Variants in ANKRD11 observed in about 807,000 individuals in gnomAD.
ANKRD11 encodes the protein ankyrin repeat domain-containing protein 11.
Under a neutral mutation model 195.7 loss-of-function variants are expected in ANKRD11, and 17 were observed. The ratio of observed to expected loss-of-function variants is 0.09; its 90% CI spans 0.06 to 0.13. ANKRD11 has a LOEUF of 0.13. ANKRD11 is among the 10% of genes least tolerant of loss of function. The pLI, the probability that ANKRD11 is intolerant of heterozygous loss-of-function variation, is 1.00. For missense variants in ANKRD11, 3,735 were observed against 3,566.1 expected, an observed-to-expected ratio of 1.05 and a Z score of -1.21; for synonymous variants, 1,953 against 1,528.1, an observed-to-expected ratio of 1.28 and a Z score of -6.49.
chr16:89,467,653 T>C (rs1344026530), intron 1 of ANKRD11, among the ~76,000 whole-genome samples: 3 of 152,068 alleles, frequency 2.0e-5, no homozygotes, highest in Non-Finnish European at 4.4e-5. Context: ...GCGTTGCATC[T>C]GACCCTGTAT....
intron 2 of ANKRD11, among the ~76,000 whole-genome samples, chr16:89,384,879 C>CTTTTCTTTTTTTTTTTTT (rs2040833414): frequency 2.0e-5 from 1 of 49,910 alleles, no homozygotes; most frequent in Admixed American, 3.6e-4. Flanking sequence ...AAATAGTTTT[C>CTTTTCTTTTTTTTTTTTT]TTTTTTTTTT....
At chr16:89,467,339 G>C (rs1253418105) in intron 1 of ANKRD11, among the ~76,000 whole-genome samples, 1 of 152,130 alleles carries the variant, frequency 6.6e-6, no homozygotes, top group Non-Finnish European at 1.5e-5. Context: ...CTATTTGAGA[G>C]GCTGAGGTGG....
intron 2 of ANKRD11, among the ~76,000 whole-genome samples, chr16:89,349,754 C>T (rs539322568): frequency 6.6e-6 from 1 of 152,008 alleles, no homozygotes; most frequent in Non-Finnish European, 1.5e-5. Flanking sequence ...ACAAAAAGCA[C>T]AAAGTACCCA....
chr16:89,313,424 A>G, intron 3 of ANKRD11: 2 of 1,289,080 alleles, frequency 1.6e-6, no homozygotes, highest in South Asian at 1.2e-5. Flanking sequence ...CCGTCTGCAG[A>G]AGGGGCCCTT....
chr16:89,426,865 C>T (rs1001874189), intron 1 of ANKRD11, among the ~76,000 whole-genome samples: 2 of 152,192 alleles, frequency 1.3e-5, no homozygotes, highest in South Asian at 2.1e-4. Context: ...ACTCAACAAT[C>T]GCTTAGTTAT....
intron 3 of ANKRD11, among the ~76,000 whole-genome samples, chr16:89,310,172 C>G (rs1327115812): frequency 6.6e-6 from 1 of 152,214 alleles, no homozygotes; most frequent in Non-Finnish European, 1.5e-5. Context: ...AGTTCCATCA[C>G]CAGCTCAGCT....
At chr16:89,288,842 A>C in intron 6 of ANKRD11, 172 bp from the exon 7 acceptor site, 2 of 835,988 alleles carry the variant, frequency 2.4e-6, no homozygotes, top group Non-Finnish European at 1.9e-6. Context: ...GAACCCCTAA[A>C]TTCTCTTTAC....
chr16:89,324,187 CA>C (rs1214033141), intron 2 of ANKRD11: 2 of 1,167,802 alleles, frequency 1.7e-6, no homozygotes, highest in Non-Finnish European at 2.2e-6. Context: ...CGGGGGGTGG[CA>C]GCACCGAGAG....
chr16:89,309,112 C>G (rs1387987952), intron 3 of ANKRD11, among the ~76,000 whole-genome samples: 1 of 152,178 alleles, frequency 6.6e-6, no homozygotes, highest in Non-Finnish European at 1.5e-5. Context: ...TGTGACGCCA[C>G]CACACGCCCA....
chr16:89,409,172 G>T (rs770151380), intron 2 of ANKRD11, among the ~76,000 whole-genome samples: 2 of 152,162 alleles, frequency 1.3e-5, no homozygotes, highest in Non-Finnish European at 2.9e-5. Flanking sequence ...TGAAGCCGAC[G>T]GTCTGAGGAA....
chr16:89,424,525 G>A (rs1324363657), intron 1 of ANKRD11, among the ~76,000 whole-genome samples: 1 of 152,038 alleles, frequency 6.6e-6, no homozygotes, highest in Non-Finnish European at 1.5e-5. Context: ...GTGTGGACGG[G>A]TGAATGTGTG....
chr16:89,439,043 AAAAC>A (rs1395325467), intron 1 of ANKRD11, among the ~76,000 whole-genome samples: 1 of 151,924 alleles, frequency 6.6e-6, no homozygotes, highest in African/African-American at 2.4e-5. Flanking sequence ...TCTCTTAAAA[AAAAC>A]AAAACCAAAA....
rs372485050 is a variant in ANKRD11, at chr16:89,285,034, T to C, written c.1508A>G (p.Lys503Arg). ...GTCCTTCAGCACCAGCGGGGACCCC[T>C]TGAGGCAGCCAGAGCTCCCCAGAGA... ...RDSLGSSGCLKGSPLVLKDPS... is the reference protein window; with the variant it reads ...RDSLGSSGCLRGSPLVLKDPS... The change falls in exon 9 of 13, where the codon AAG becomes AGG. Residue 503 changes from lysine to arginine, a missense_variant. Lys to Arg is a conservative substitution (Grantham distance 26). Transcript: ENST00000301030. This position sits in a 1 kb window ranked among gnomAD's most constrained non-coding sequence, Gnocchi z 5.6. 2.2e-5 allele frequency: 36 copies of C among 1,613,886 alleles called. No homozygotes were observed. The highest frequency in any genetic ancestry group is 3.0e-5 in the Non-Finnish European group (35 of 1,180,012).
chr16:89,278,501 G>GGA (rs2033853820), intron 9 of ANKRD11: 1 of 456,140 alleles, frequency 2.2e-6, no homozygotes, highest in Non-Finnish European at 4.4e-6. Flanking sequence ...GCAGAGGTAG[G>GGA]GATGATGCCT....
At chr16:89,462,650 A>T (rs1041862318) in intron 1 of ANKRD11, among the ~76,000 whole-genome samples, 1 of 148,434 alleles carries the variant, frequency 6.7e-6, no homozygotes, top group Non-Finnish European at 1.5e-5. Flanking sequence ...CCGCCATCAC[A>T]TCTAGGAAGT....
chr16:89,273,495 A>T (rs1194479970), intron 11 of ANKRD11, among the ~76,000 whole-genome samples: 1 of 152,092 alleles, frequency 6.6e-6, no homozygotes, highest in Admixed American at 6.5e-5. Flanking sequence ...AGGTCAAGAG[A>T]TCGAGACCAT....
chr16:89,369,236 G>T (rs2040086153), intron 2 of ANKRD11, among the ~76,000 whole-genome samples: 1 of 152,044 alleles, frequency 6.6e-6, no homozygotes, highest in Non-Finnish European at 1.5e-5. Flanking sequence ...CAAACAAAAG[G>T]CAGTGCAGCG....
At chr16:89,433,810 C>A (rs907417299) in intron 1 of ANKRD11, among the ~76,000 whole-genome samples, 1 of 152,232 alleles carries the variant, frequency 6.6e-6, no homozygotes, top group Admixed American at 6.5e-5. Context: ...GACGCGGGGA[C>A]TGGGCACGCC....
chr16:89,279,255 G>C lies in ANKRD11; in HGVS notation c.7287C>G (p.Pro2429=), dbSNP rs751753158. ...VDAIKLDAIE[P]YHSDRANPYF... ...AGGGGTTGGCCCTGTCGCTGTGGTA[G>C]GGCTCGATGGCATCCAGCTTGATGG... The change falls in exon 9 of 13, where the codon CCC becomes CCG. Residue 2429 remains proline (P), a synonymous_variant. Coordinates refer to ENST00000301030, the MANE Select transcript of ANKRD11 (RefSeq NM_013275.6). The surrounding 1 kb of genome is among the most constrained non-coding windows in gnomAD (Gnocchi z 5.6). 5 of 1,611,664 alleles carry C rather than the reference G, an allele frequency of 3.1e-6. No homozygotes were observed. The highest frequency in any genetic ancestry group is 2.5e-6 in the Non-Finnish European group (3 of 1,179,664).
Sources: gnomAD v4.1 joint callset for allele counts (sites outside exome capture counted in the v4.1 genomes callset) on GRCh38, gnomAD v4.1.1 for gene constraint, Gnocchi (gnomAD v3.1) non-coding constraint, MANE v1.5 for transcripts, NCBI Gene and HGNC (gene_info 2026-07-23, HGNC 2026-07-21) for gene names.